The following TASP1 variants were observed in gnomAD, a reference collection of about 807,000 sequenced individuals.
TASP1 encodes the protein threonine aspartase 1.
TASP1 carries 16 observed loss-of-function variants against 56.6 expected under a neutral mutation model. That is an observed-to-expected ratio of 0.28 (90% CI 0.19 to 0.43). The LOEUF (loss-of-function observed/expected upper bound fraction) is 0.43, where lower values mean the gene tolerates loss of function less well. Ranked by LOEUF, TASP1 falls within the 20% of genes least tolerant of loss-of-function variation. The pLI is 1.00. For missense variants in TASP1, 393 were observed against 511.6 expected (o/e 0.77, Z 2.24); for synonymous variants, 179 against 184.2 (o/e 0.97, Z 0.23).
the TASP1 span, among the ~76,000 whole-genome samples, chr20:13,349,121 G>T: frequency 6.6e-6 from 1 of 152,136 alleles, no homozygotes; most frequent in African/African-American, 2.4e-5. Flanking sequence ...GCTGTGGTTT[G>T]GTTCCTGGGG....
At chr20:13,617,260 C>A in intron 4 of TASP1, 1 of 215,732 alleles carries the variant, frequency 4.6e-6, no homozygotes, top group South Asian at 5.2e-5. Context: ...ATCAATAATA[C>A]CAAGTAAAGA....
At chr20:13,471,326 C>T (rs1476848706) in intron 11 of TASP1, among the ~76,000 whole-genome samples, 5 of 152,122 alleles carry the variant, frequency 3.3e-5, no homozygotes, top group Non-Finnish European at 5.9e-5. Context: ...AGTCTAGTCC[C>T]ACATACGGCT....
At chr20:13,306,564 C>CAAAAAAAAAAA in the TASP1 span, among the ~76,000 whole-genome samples, 5 of 63,906 alleles carry the variant, frequency 7.8e-5, no homozygotes, top group African/African-American at 1.4e-4. Context: ...GGAGAAAGGA[C>CAAAAAAAAAAA]AAAAAAAAAA....
chr20:13,250,299 C>T, the TASP1 span, among the ~76,000 whole-genome samples: 1 of 152,176 alleles, frequency 6.6e-6, no homozygotes, highest in East Asian at 1.9e-4. Context: ...TACTAGCTTT[C>T]AAGGATGTGG....
the TASP1 span, among the ~76,000 whole-genome samples, chr20:13,314,098 A>G: frequency 6.6e-6 from 1 of 152,192 alleles, no homozygotes; most frequent in Non-Finnish European, 1.5e-5. Context: ...AAGAGAAAAA[A>G]AGACTGAAAG....
chr20:13,445,470 G>C (rs775381387), intron 11 of TASP1, among the ~76,000 whole-genome samples: 52 of 152,148 alleles, frequency 3.4e-4, no homozygotes, highest in Non-Finnish European at 5.9e-4. Context: ...CATTCTATCT[G>C]CAAGTGGAGG....
chr20:13,324,821 C>T, the TASP1 span, among the ~76,000 whole-genome samples: 12 of 152,118 alleles, frequency 7.9e-5, no homozygotes, highest in South Asian at 2.1e-4. Flanking sequence ...GCTGGAAGCA[C>T]GCTTAGAAAT....
At chr20:13,458,521 G>A (rs1320779178) in intron 11 of TASP1, among the ~76,000 whole-genome samples, 2 of 151,828 alleles carry the variant, frequency 1.3e-5, no homozygotes, top group Admixed American at 1.3e-4. Context: ...CTAATTTTTA[G>A]TAGAGATGGG....
the TASP1 span, among the ~76,000 whole-genome samples, chr20:13,373,872 T>C: frequency 6.6e-6 from 1 of 152,154 alleles, no homozygotes; most frequent in African/African-American, 2.4e-5. Flanking sequence ...AGTACTTCCA[T>C]TATGCATATT....
the TASP1 span, among the ~76,000 whole-genome samples, chr20:13,206,621 G>T: frequency 6.6e-6 from 1 of 151,882 alleles, no homozygotes; most frequent in African/African-American, 2.4e-5. Context: ...GATTCCTTCC[G>T]TCTATTGAGG....
chr20:13,311,472 G>C, the TASP1 span, among the ~76,000 whole-genome samples: 1 of 152,148 alleles, frequency 6.6e-6, no homozygotes, highest in Non-Finnish European at 1.5e-5. Flanking sequence ...ATGTGAAAGA[G>C]ATATCTGCAT....
At chr20:13,342,336 TGGA>T in the TASP1 span, among the ~76,000 whole-genome samples, 3 of 152,234 alleles carry the variant, frequency 2.0e-5, no homozygotes, top group Non-Finnish European at 4.4e-5. Flanking sequence ...GTTTCTTTCA[TGGA>T]GGAGAACGAC....
At chr20:13,568,560 A>G (rs1484221440) in intron 7 of TASP1, among the ~76,000 whole-genome samples, 1 of 152,198 alleles carries the variant, frequency 6.6e-6, no homozygotes, top group Non-Finnish European at 1.5e-5. Flanking sequence ...ATCAGAGATT[A>G]GTCTTCATAA....
chr20:13,562,101 A>G (rs1432696936), intron 7 of TASP1, among the ~76,000 whole-genome samples: 1 of 152,210 alleles, frequency 6.6e-6, no homozygotes, highest in Admixed American at 6.5e-5. Context: ...TATCTTCTCC[A>G]ACTACAACAG....
chr20:13,448,899 A>AC (rs2146280519), intron 11 of TASP1, among the ~76,000 whole-genome samples: 1 of 152,042 alleles, frequency 6.6e-6, no homozygotes, highest in African/African-American at 2.4e-5. Flanking sequence ...AACAAAAAAA[A>AC]CCCTTAGTTC....
At chr20:13,530,138 A>G (rs2045165199) in intron 9 of TASP1, among the ~76,000 whole-genome samples, 1 of 152,134 alleles carries the variant, frequency 6.6e-6, no homozygotes, top group East Asian at 1.9e-4. Context: ...GCACAAACCC[A>G]CCACTCTCTC....
intron 4 of TASP1, among the ~76,000 whole-genome samples, chr20:13,620,265 TACACACACACACAC>T (rs757563847): frequency 2.1e-5 from 3 of 145,662 alleles, no homozygotes; most frequent in Admixed American, 6.8e-5. Context: ...CTGTGGTATT[TACACACACACACAC>T]ACACACACAC....
intron 11 of TASP1, among the ~76,000 whole-genome samples, chr20:13,447,146 GTGTT>G (rs2043441552): frequency 6.6e-6 from 1 of 152,032 alleles, no homozygotes; most frequent in African/African-American, 2.4e-5. Context: ...ACAAGAAACA[GTGTT>G]TGAGAGTACC....
chr20:13,136,603 A>G, the TASP1 span, among the ~76,000 whole-genome samples: 1 of 125,948 alleles, frequency 7.9e-6, no homozygotes, highest in Non-Finnish European at 1.8e-5. Flanking sequence ...TCATCTAAAA[A>G]CATATATATA....
Sources: gnomAD v4.1 joint callset for allele counts (sites outside exome capture counted in the v4.1 genomes callset) on GRCh38, gnomAD v4.1.1 for gene constraint, MANE v1.5 for transcripts, NCBI Gene and HGNC (gene_info 2026-07-23, HGNC 2026-07-21) for gene names.